The following SYT16 variants were observed in gnomAD, a reference collection of about 807,000 sequenced individuals.
The protein encoded by SYT16 is synaptotagmin 16.
SYT16 carries 42 observed loss-of-function variants against 61.4 expected under a neutral mutation model. The ratio of observed to expected loss-of-function variants is 0.68; its 90% CI spans 0.53 to 0.89. The LOEUF (loss-of-function observed/expected upper bound fraction) is 0.89. SYT16 is among the 40% of genes least tolerant of loss of function. The pLI is 0.00. For missense variants in SYT16, 804 were observed against 807.3 expected, an observed-to-expected ratio of 1.00 and a Z score of 0.05; for synonymous variants, 314 against 302.3, an observed-to-expected ratio of 1.04 and a Z score of -0.40.
At chr14:61,954,058 G>A (rs2050774413) in intron 1 of SYT16, among the ~76,000 whole-genome samples, 1 of 152,058 alleles carries the variant, frequency 6.6e-6, no homozygotes, top group South Asian at 2.1e-4. Context: ...AAGATGGGAG[G>A]GATCTATAAG....
At chr14:62,035,003 T>G (rs1199724371) in intron 3 of SYT16, among the ~76,000 whole-genome samples, 1 of 152,202 alleles carries the variant, frequency 6.6e-6, no homozygotes, top group Non-Finnish European at 1.5e-5. Flanking sequence ...CTTCTTAGTT[T>G]GCCTTGTGGC....
chr14:61,993,191 C>G (rs1170906446), intron 2 of SYT16, among the ~76,000 whole-genome samples: 1 of 151,510 alleles, frequency 6.6e-6, no homozygotes, highest in Middle Eastern at 3.4e-3. Flanking sequence ...CATATGCTCA[C>G]TCAAAAGTGG....
intron 1 of SYT16, among the ~76,000 whole-genome samples, chr14:61,929,432 CA>C (rs1354238462): frequency 1.3e-5 from 2 of 152,188 alleles, no homozygotes; most frequent in African/African-American, 4.8e-5. Flanking sequence ...GAGAGATTCA[CA>C]AAAAGATGTG....
chr14:61,974,586 A>T (rs201006813), intron 2 of SYT16, among the ~76,000 whole-genome samples: 1 of 152,208 alleles, frequency 6.6e-6, no homozygotes, highest in South Asian at 2.1e-4. Context: ...ACAGTGCATC[A>T]TGTTAAATAA....
At chr14:62,084,067 T>TGC in intron 6 of SYT16, 129 bp from the exon 7 acceptor site, 1 of 1,065,618 alleles carries the variant, frequency 9.4e-7, no homozygotes, top group East Asian at 2.7e-5. Flanking sequence ...TCACGCCGAG[T>TGC]GCGCCCTTAG....
intron 1 of SYT16, among the ~76,000 whole-genome samples, chr14:61,955,437 C>T (rs1387346301): frequency 3.3e-5 from 5 of 152,012 alleles, no homozygotes; most frequent in Non-Finnish European, 7.4e-5. Context: ...TGTTGAACTA[C>T]AACTCCCCAT....
chr14:62,052,072 T>C (rs2055328730), intron 3 of SYT16, among the ~76,000 whole-genome samples: 1 of 152,210 alleles, frequency 6.6e-6, no homozygotes, highest in Admixed American at 6.5e-5. Context: ...TTTTTATTAA[T>C]ACCTGCTTTT....
At chr14:62,097,853 T>C (rs1316972066) in intron 7 of SYT16, among the ~76,000 whole-genome samples, 1 of 152,242 alleles carries the variant, frequency 6.6e-6, no homozygotes, top group Non-Finnish European at 1.5e-5. Context: ...CTGCTATACC[T>C]GGCAGCACAA....
At chr14:61,934,896 C>T (rs919645055) in intron 1 of SYT16, among the ~76,000 whole-genome samples, 1 of 152,144 alleles carries the variant, frequency 6.6e-6, no homozygotes, top group Admixed American at 6.5e-5. Context: ...AACTTTGTGG[C>T]TTGGGTACAT....
rs149766252 is a variant in SYT16 at position 61,818,341 on chromosome 14, A to G, written c.-325+5531A>G. Among the ~76,000 whole-genome samples, 830 of 152,244 alleles carry G rather than the reference A, an allele frequency of 5.5e-3. 4 individuals carry two copies. The highest frequency in any genetic ancestry group is 9.1e-3 in the South Asian group (44 of 4,820). ...CCCCTCTGTGCATACTTCCCTCCTC[A>G]TAATCCCCAAGCTTTTATCAGACTT... On this transcript the variant is annotated intron_variant, in intron 1 of 7. Coordinates refer to ENST00000683842, the MANE Select transcript of SYT16 (RefSeq NM_001367656.1).
intron 3 of SYT16, among the ~76,000 whole-genome samples, chr14:62,004,864 T>C (rs1333884246): frequency 6.6e-6 from 1 of 152,148 alleles, no homozygotes; most frequent in Admixed American, 6.5e-5. Flanking sequence ...GCGGTGTGGG[T>C]GGCCTCATTA....
intron 1 of SYT16, among the ~76,000 whole-genome samples, chr14:61,930,407 C>G (rs2049717035): frequency 6.6e-6 from 1 of 151,928 alleles, no homozygotes; most frequent in Non-Finnish European, 1.5e-5. Flanking sequence ...CAGCTGTCAC[C>G]TGGCAGCTAG....
intron 3 of SYT16, among the ~76,000 whole-genome samples, chr14:62,031,434 G>C (rs1030535280): frequency 6.6e-6 from 1 of 152,166 alleles, no homozygotes; most frequent in Non-Finnish European, 1.5e-5. Flanking sequence ...AACTTCATTT[G>C]AAAGGCAAAT....
At position 62,007,068 on chromosome 14, in the gene SYT16, G is replaced by T. The variant is rs548013110; in HGVS notation, c.523+10526G>T. On this transcript the variant is annotated intron_variant, in intron 3 of 7. Coordinates refer to ENST00000683842, the MANE Select transcript of SYT16 (RefSeq NM_001367656.1). ...AAATCCTACAGTGTTCTTAGTTGTT[G>T]ATTGATTTCAACCCTTTGCAGATTG... Among the ~76,000 whole-genome samples, 128 of 152,256 alleles carry T rather than the reference G, an allele frequency of 8.4e-4. 1 individual carries two copies. Among genetic ancestry groups the T allele is most frequent in the Middle Eastern group, 6.8e-3 (2 of 294 alleles).
At chr14:61,962,912 A>G (rs1403549672) in intron 1 of SYT16, among the ~76,000 whole-genome samples, 2 of 152,034 alleles carry the variant, frequency 1.3e-5, no homozygotes, top group African/African-American at 4.8e-5. Flanking sequence ...TGATTTAATT[A>G]GTCTATTTGT....
At chr14:61,938,368 A>T (rs746289579) in intron 1 of SYT16, among the ~76,000 whole-genome samples, 25 of 152,050 alleles carry the variant, frequency 1.6e-4, no homozygotes, top group Non-Finnish European at 2.9e-4. Context: ...AGCTTGCCAG[A>T]TACGAGATGT....
intron 3 of SYT16, among the ~76,000 whole-genome samples, chr14:62,038,915 G>C (rs1305138989): frequency 6.6e-6 from 1 of 152,196 alleles, no homozygotes; most frequent in South Asian, 2.1e-4. Context: ...GTTGCGTAGA[G>C]TTCTTTTGTG....
At chr14:62,077,057 C>T (rs1485539311) in intron 5 of SYT16, among the ~76,000 whole-genome samples, 1 of 152,218 alleles carries the variant, frequency 6.6e-6, no homozygotes, top group Non-Finnish European at 1.5e-5. Context: ...CCCGTAACTG[C>T]CTGCTTTGCA....
chr14:61,933,053 C>T (rs978509906), intron 1 of SYT16, among the ~76,000 whole-genome samples: 20 of 152,176 alleles, frequency 1.3e-4, no homozygotes, highest in Admixed American at 2.0e-4. Context: ...ATATCTTTGA[C>T]AGGTGAGTTT....
Sources: gnomAD v4.1 joint callset for allele counts (sites outside exome capture counted in the v4.1 genomes callset) on GRCh38, gnomAD v4.1.1 for gene constraint, MANE v1.5 for transcripts, NCBI Gene and HGNC (gene_info 2026-07-23, HGNC 2026-07-21) for gene names.